PROSER2: variants seen among roughly 807,000 people sequenced by gnomAD.
The protein encoded by PROSER2 is proline and serine-rich protein 2.
Under a neutral mutation model 14.6 loss-of-function variants are expected in PROSER2, and 18 were observed. The ratio of observed to expected loss-of-function variants is 1.23; its 90% CI spans 0.85 to 1.83. PROSER2 has a LOEUF of 1.83. Among genes scored for constraint, PROSER2 ranks in the 40% most tolerant of loss-of-function variants. The pLI is 0.00. For missense variants in PROSER2, 823 were observed against 629.8 expected (o/e 1.31, Z -3.28); for synonymous variants, 367 against 286.4 (o/e 1.28, Z -2.84).
chr10:11,847,995 G>A (rs780234124), intron 1 of PROSER2, among the ~76,000 whole-genome samples: 6 of 152,144 alleles, frequency 3.9e-5, no homozygotes, highest in Non-Finnish European at 7.3e-5. Context: ...GAGATCATTT[G>A]GTAAGAGTGC....
rs919365541 is a variant in PROSER2, at chr10:11,870,208, T to TGGCCC, written c.1116_1120dup (p.Leu374ArgfsTer79). Reference sequence around the variant, plus strand: ...CTGGGAAGTCCCTCTGCTTCCGCCCTGGCCCGGCCCTGCCCAGCACGCGGG... The same window carrying TGGCCC: ...CTGGGAAGTCCCTCTGCTTCCGCCCTGGCCCGGCCCGGCCCTGCCCAGCACGCGGG... On this transcript the variant is annotated frameshift_variant, in exon 4 of 4. Coordinates refer to ENST00000277570, the MANE Select transcript of PROSER2 (RefSeq NM_153256.4). LOFTEE classifies it low-confidence loss of function (END_TRUNC). 6 of 1,490,316 alleles carry TGGCCC rather than the reference T, an allele frequency of 4.0e-6. No homozygotes were observed. The highest frequency in any genetic ancestry group is 5.3e-6 in the Non-Finnish European group (6 of 1,127,334). The allele number at this position is 1,490,316 out of a possible 1,614,324, so 92.3% of individuals were successfully genotyped here.
intron 2 of PROSER2, among the ~76,000 whole-genome samples, chr10:11,854,412 A>T (rs1834083644): frequency 6.6e-6 from 1 of 152,186 alleles, no homozygotes; most frequent in Admixed American, 6.5e-5. Flanking sequence ...GGCTCAAGTG[A>T]GCCTCCTGCG....
rs35005102 is a variant in PROSER2 at position 11,833,984 on chromosome 10, CTTTTTTTTTTT to C, written c.-82+10532_-82+10542del. Among the ~76,000 whole-genome samples the C allele has an allele frequency of 3.7e-3, 180 of 48,248 alleles. 1 individual carries two copies. Among genetic ancestry groups the C allele is most frequent in the Non-Finnish European group, 5.6e-3 (164 of 29,302 alleles). 31.7% of individuals were successfully genotyped at this position (48,248 alleles called of 152,430 possible). A position where few individuals can be genotyped will look rare whatever the true frequency, so the allele number is the denominator to read the frequency against. ...GGGGTTCCCAAGTGAGTAGCTCTTT[CTTTTTTTTTTT>C]TTTTTTTTTTTTTTTTTGAGATAGA... On this transcript the variant is annotated intron_variant, in intron 1 of 3. Coordinates refer to ENST00000277570, the MANE Select transcript of PROSER2 (RefSeq NM_153256.4).
chr10:11,860,254 G>A (rs1834209892), intron 2 of PROSER2, among the ~76,000 whole-genome samples: 1 of 152,166 alleles, frequency 6.6e-6, no homozygotes, highest in South Asian at 2.1e-4. Flanking sequence ...AGGGGCTCGG[G>A]TAGGTTGAGG....
At chr10:11,825,844 G>A (rs1173312293) in intron 1 of PROSER2, among the ~76,000 whole-genome samples, 1 of 152,176 alleles carries the variant, frequency 6.6e-6, no homozygotes, top group African/African-American at 2.4e-5. Context: ...CTGTAGCACT[G>A]TGAAGAGTTC....
chr10:11,849,323 G>A (rs868602140), intron 1 of PROSER2, among the ~76,000 whole-genome samples: 3 of 152,192 alleles, frequency 2.0e-5, no homozygotes, highest in Admixed American at 2.0e-4. Context: ...GGTGCTATGT[G>A]GCAGAATCAC....
At chr10:11,839,977 G>A (rs1833813933) in intron 1 of PROSER2, among the ~76,000 whole-genome samples, 3 of 150,238 alleles carry the variant, frequency 2.0e-5, no homozygotes, top group Admixed American at 6.6e-5. Flanking sequence ...TTTGAGACAA[G>A]GTCTAGCTCT....
chr10:11,870,235 C>T lies in PROSER2; in HGVS notation c.1137C>T (p.Ala379=), dbSNP rs890776314. The part of the protein sequence containing the change: ...RPGPALPSTR[A]RQSFPGPRQP... ...GCCCGGCCCTGCCCAGCACGCGGGC[C>T]CGTCAGAGCTTCCCCGGGCCCCGGC... is the stretch of plus-strand genomic sequence containing the variant. Residue 379 remains alanine, a synonymous_variant, in exon 4 of 4, where the codon GCC becomes GCT. Coordinates refer to ENST00000277570, the MANE Select transcript of PROSER2 (RefSeq NM_153256.4). The T allele has an allele frequency of 1.3e-5, 20 of 1,488,524 alleles. No individual in the cohort carries two copies. Among genetic ancestry groups the T allele is most frequent in the Admixed American group, 2.3e-5 (1 of 44,434 alleles). 92.2% of individuals were successfully genotyped at this position (1,488,524 alleles called of 1,614,324 possible).
At chr10:11,842,760 CTT>C (rs916573368) in intron 1 of PROSER2, among the ~76,000 whole-genome samples, 31 of 151,626 alleles carry the variant, frequency 2.0e-4, no homozygotes, top group African/African-American at 6.3e-4. Flanking sequence ...TTTCCACAGA[CTT>C]TTTTTAATCT....
intron 2 of PROSER2, among the ~76,000 whole-genome samples, chr10:11,855,171 G>A (rs560628963): frequency 5.4e-5 from 7 of 130,790 alleles, no homozygotes; most frequent in Admixed American, 2.5e-4. Flanking sequence ...TTAAGCAAAC[G>A]TTATTCTTAA....
rs775449035 is a variant in PROSER2, at chr10:11,869,499, C to T, written c.401C>T (p.Pro134Leu). The part of the protein sequence containing the change: ...PEGTQAAGPA[P>L]AGKEHRKQDA... ...CTCCCTTGTCTTCCAGGGCCTGCAC[C>T]TGCTGGGAAGGAGCACAGGAAACAA... Residue 134 changes from proline (P) to leucine (L), a missense_variant, in exon 4 of 4, where the codon CCT becomes CTT. Pro to Leu is a moderately conservative substitution (Grantham distance 98, BLOSUM62 -3). Transcript: ENST00000277570. The surrounding 1 kb of genome is among the most constrained non-coding windows in gnomAD (Gnocchi z 4.4). 24 of 1,613,202 alleles carry T rather than the reference C, an allele frequency of 1.5e-5. No homozygotes were observed. The highest frequency in any genetic ancestry group is 2.0e-5 in the Non-Finnish European group (23 of 1,179,376).
intron 1 of PROSER2, 51 bp from the exon 2 acceptor site, chr10:11,851,946 T>G: frequency 1.1e-6 from 1 of 939,320 alleles, no homozygotes; most frequent in Non-Finnish European, 1.4e-6. Flanking sequence ...GATTGAGGCG[T>G]TTTACAGTCT....
chr10:11,842,202 C>T (rs894400906), intron 1 of PROSER2, among the ~76,000 whole-genome samples: 3 of 146,850 alleles, frequency 2.0e-5, no homozygotes, highest in African/African-American at 7.7e-5. Context: ...AGCCTGGTTA[C>T]AGAGTAAGAC....
intron 1 of PROSER2, among the ~76,000 whole-genome samples, chr10:11,848,199 CA>C (rs1833954264): frequency 6.6e-6 from 1 of 152,144 alleles, no homozygotes; most frequent in Non-Finnish European, 1.5e-5. Flanking sequence ...GACAGAGTCT[CA>C]CTCTGCCGCC....
chr10:11,854,416 T>C (rs1045083733), intron 2 of PROSER2, among the ~76,000 whole-genome samples: 5 of 152,196 alleles, frequency 3.3e-5, no homozygotes, highest in African/African-American at 1.2e-4. Flanking sequence ...CAAGTGAGCC[T>C]CCTGCGTCAA....
chr10:11,847,164 T>A (rs866576909), intron 1 of PROSER2, among the ~76,000 whole-genome samples: 16,466 of 144,190 alleles, frequency 0.11, 1,053 homozygotes, highest in Non-Finnish European at 0.15. Flanking sequence ...AATATATATA[T>A]ATATATATAT....
At chr10:11,844,512 CTCTT>C (rs756440723) in intron 1 of PROSER2, among the ~76,000 whole-genome samples, 8 of 152,148 alleles carry the variant, frequency 5.3e-5, no homozygotes, top group Non-Finnish European at 1.0e-4. Flanking sequence ...AATCTGTAAT[CTCTT>C]GGTTTTACAC....
At chr10:11,847,223 C>G (rs114974217) in intron 1 of PROSER2, among the ~76,000 whole-genome samples, 1,570 of 150,034 alleles carry the variant, frequency 0.01, 31 homozygotes, top group African/African-American at 0.035. Flanking sequence ...TTTTCCTCTA[C>G]AGCTATTGCC....
At chr10:11,857,761 A>AG (rs1554767531) in intron 2 of PROSER2, among the ~76,000 whole-genome samples, 6 of 151,098 alleles carry the variant, frequency 4.0e-5, no homozygotes, top group South Asian at 2.1e-4. Flanking sequence ...AAAAAAAAAA[A>AG]AAAGAAACCC....
Sources: allele counts gnomAD v4.1 joint callset (sites outside exome capture counted in the v4.1 genomes callset), GRCh38; gene constraint gnomAD v4.1.1; non-coding constraint Gnocchi (gnomAD v3.1); transcripts MANE v1.5; gene names NCBI Gene and HGNC (gene_info 2026-07-23, HGNC 2026-07-21).